The following GLI2 variants were observed in gnomAD, a reference collection of about 807,000 sequenced individuals.
GLI2 encodes transcription activator GLI2.
Under a neutral mutation model 78.9 loss-of-function variants are expected in GLI2, and 22 were observed. The observed-to-expected ratio is 0.28, with a 90% CI of 0.20 to 0.40. The LOEUF is 0.40. GLI2 is among the 10% of genes least tolerant of loss of function. GLI2 has a pLI of 1.00. For synonymous variants in GLI2, 974 were observed against 963.7 expected (o/e 1.01, Z -0.20); for missense variants, 2,097 against 2,213.2 (o/e 0.95, Z 1.05).
chr2:120,837,381 G>C (rs1030364726), intron 2 of GLI2, among the ~76,000 whole-genome samples: 1 of 131,458 alleles, frequency 7.6e-6, no homozygotes, highest in Non-Finnish European at 1.6e-5. Context: ...GCAACAGAGC[G>C]AGACTCCATC....
intron 1 of GLI2, among the ~76,000 whole-genome samples, chr2:120,793,689 C>T (rs1476304884): frequency 6.6e-6 from 1 of 152,224 alleles, no homozygotes; most frequent in Non-Finnish European, 1.5e-5. Flanking sequence ...ATCTGCTCCC[C>T]ACAGGCGTTC....
At chr2:120,776,775 G>A (rs538416876) in intron 1 of GLI2, among the ~76,000 whole-genome samples, 21 of 152,306 alleles carry the variant, frequency 1.4e-4, no homozygotes, top group African/African-American at 3.8e-4. Context: ...CATCCTAGCC[G>A]GCGTTCTCCC....
intron 5 of GLI2, among the ~76,000 whole-genome samples, chr2:120,959,035 A>G (rs1681412402): frequency 6.6e-6 from 1 of 152,232 alleles, no homozygotes; most frequent in Admixed American, 6.5e-5. Context: ...CACTCGAGGA[A>G]TGTAGCTGTT....
chr2:120,917,949 T>C (rs1025735603), intron 2 of GLI2, among the ~76,000 whole-genome samples: 4 of 152,188 alleles, frequency 2.6e-5, no homozygotes, highest in African/African-American at 9.7e-5. Flanking sequence ...CTCCTGGGGA[T>C]TGGTCATCTG....
chr2:120,743,950 C>T (rs1342289588), intron 1 of GLI2, among the ~76,000 whole-genome samples: 1 of 152,226 alleles, frequency 6.6e-6, no homozygotes, highest in African/African-American at 2.4e-5. Flanking sequence ...TATGTCCTGC[C>T]TCTCCTTGCT....
intron 1 of GLI2, among the ~76,000 whole-genome samples, chr2:120,780,593 G>A (rs1683814583): frequency 6.6e-6 from 1 of 152,226 alleles, no homozygotes. Flanking sequence ...GACATGGCTG[G>A]TGGGGAGGCC....
In GLI2 at chr2:120,982,848, G is replaced by A. The variant is rs1340215600; in HGVS notation, c.1600G>A (p.Ala534Thr). 6.2e-7 allele frequency: 1 copy of A among 1,614,060 alleles called. No homozygotes were observed. The highest frequency in any genetic ancestry group is 8.5e-7 in the Non-Finnish European group (1 of 1,179,948). ...NKAFSNASDR[A>T]KHQNRTHSNE... ...AGCCTTCTCCAACGCCTCGGACCGC[G>A]CCAAGCACCAGAATCGCACCCACTC... Residue 534 changes from alanine to threonine, a missense_variant, in exon 11 of 14, where the codon GCC (alanine) becomes ACC (threonine). Ala to Thr is a moderately conservative substitution (Grantham distance 58). Transcript: ENST00000361492.
intron 1 of GLI2, among the ~76,000 whole-genome samples, chr2:120,769,083 C>G (rs1683451234): frequency 2.0e-5 from 3 of 152,212 alleles, no homozygotes; most frequent in South Asian, 4.1e-4. Context: ...GATCCAACAG[C>G]AAGAGCATCT....
intron 2 of GLI2, among the ~76,000 whole-genome samples, chr2:120,848,877 G>T (rs1489203371): frequency 6.6e-6 from 1 of 152,202 alleles, no homozygotes; most frequent in East Asian, 1.9e-4. Context: ...TCCTGCCCCT[G>T]TGTGACAAGG....
chr2:120,883,564 G>A (rs1283127737), intron 2 of GLI2, among the ~76,000 whole-genome samples: 1 of 152,216 alleles, frequency 6.6e-6, no homozygotes, highest in Non-Finnish European at 1.5e-5. Flanking sequence ...TCTGGTGTGT[G>A]CAGGTATTTG....
intron 1 of GLI2, among the ~76,000 whole-genome samples, chr2:120,783,330 G>A (rs1409391530): frequency 1.3e-5 from 2 of 152,118 alleles, no homozygotes; most frequent in Non-Finnish European, 2.9e-5. Flanking sequence ...TCCAGGGACA[G>A]TCCTGGCCAA....
chr2:120,742,742 C>T (rs1682587427), intron 1 of GLI2, among the ~76,000 whole-genome samples: 1 of 150,224 alleles, frequency 6.7e-6, no homozygotes, highest in South Asian at 2.1e-4. Flanking sequence ...ATCATGTCAA[C>T]GTAATTTTGA....
At chr2:120,985,293 C>T (rs1170476911) in intron 12 of GLI2, among the ~76,000 whole-genome samples, 1 of 152,194 alleles carries the variant, frequency 6.6e-6, no homozygotes, top group African/African-American at 2.4e-5. Flanking sequence ...GGCAGAGACT[C>T]ACCTGTCAGT....
rs1418497226 is a variant in GLI2 at position 120,737,143 on chromosome 2, A to C, written c.-31+858A>C. On this transcript the variant is annotated intron_variant, in intron 1 of 13. Transcript: ENST00000361492. The surrounding 1 kb of genome is among the most constrained non-coding windows in gnomAD (Gnocchi z 4.3). ...AGAGGCGCGGAGAGAGTTGGGCGCC[A>C]ATCCTATTAAGGGTTTAGAGAGGGG... Among the ~76,000 whole-genome samples, 1 of 152,094 alleles carries C rather than the reference A, an allele frequency of 6.6e-6. No individual in the cohort carries two copies. The highest frequency in any genetic ancestry group is 1.5e-5 in the Non-Finnish European group (1 of 68,006).
chr2:120,957,315 A>G (rs1681321453), intron 5 of GLI2, among the ~76,000 whole-genome samples: 1 of 152,200 alleles, frequency 6.6e-6, no homozygotes, highest in Admixed American at 6.5e-5. Flanking sequence ...AACACCTGTC[A>G]GCTCTGTAGG....
In GLI2 at chr2:120,989,608, A is replaced by T; in HGVS notation, c.3643A>T (p.Ser1215Cys). 6.2e-7 allele frequency: 1 copy of T among 1,612,562 alleles called. No individual in the cohort carries two copies. The highest frequency in any genetic ancestry group is 8.5e-7 in the Non-Finnish European group (1 of 1,179,846). The change falls in exon 14 of 14, where the codon AGC (serine) becomes TGC (cysteine). Residue 1215 changes from serine (S) to cysteine (C), a missense_variant. Coordinates refer to ENST00000361492, the MANE Select transcript of GLI2 (RefSeq NM_001374353.1). ...GCAGCTGCGACAGCCAGTGGCAGGC[A>T]GCCAGTGTCCTGGCATGACTACCAC... ...MQQLRQPVAG[S>C]QCPGMTTTMS...
intron 1 of GLI2, among the ~76,000 whole-genome samples, chr2:120,784,344 A>G (rs1442442934): frequency 6.6e-6 from 1 of 152,170 alleles, no homozygotes; most frequent in Non-Finnish European, 1.5e-5. Context: ...TGCTGGGTGG[A>G]AGAGATCCCA....
At position 120,986,319 on chromosome 2, in the gene GLI2, C is replaced by T. The variant is rs528985094; in HGVS notation, c.1947C>T (p.Ser649=). 1.5e-4 allele frequency: 250 copies of T among 1,613,440 alleles called. 2 individuals are homozygous for T. In the South Asian group the frequency reaches 2.3e-3, roughly 15 times the overall value. ...CCGGGGCCCAGTCGTCCTGCAGCAG[C>T]GAGCCCTCTCCTCTGGGCAGTGCCC... ...SSPGAQSSCS[S]EPSPLGSAPN... is the part of the protein sequence containing the mutation. Residue 649 remains serine, a synonymous_variant, in exon 13 of 14, where the codon AGC becomes AGT. Coordinates refer to ENST00000361492, the MANE Select transcript of GLI2 (RefSeq NM_001374353.1).
At chr2:120,768,146 G>A (rs1683418877) in intron 1 of GLI2, among the ~76,000 whole-genome samples, 1 of 152,236 alleles carries the variant, frequency 6.6e-6, no homozygotes, top group South Asian at 2.1e-4. Context: ...TGGAATAGCA[G>A]TATTTCTACT....
Sources: gnomAD v4.1 joint callset for allele counts (sites outside exome capture counted in the v4.1 genomes callset) on GRCh38, gnomAD v4.1.1 for gene constraint, Gnocchi (gnomAD v3.1) non-coding constraint, MANE v1.5 for transcripts, NCBI Gene and HGNC (gene_info 2026-07-23, HGNC 2026-07-21) for gene names.